The following DNMBP variants were observed in gnomAD, a reference collection of about 807,000 sequenced individuals.
DNMBP encodes the protein dynamin-binding protein.
In DNMBP, 87 loss-of-function variants were observed where a neutral mutation model predicts 150.0. The ratio of observed to expected loss-of-function variants is 0.58; its 90% CI spans 0.49 to 0.69. DNMBP has a LOEUF of 0.69. DNMBP is among the 30% of genes least tolerant of loss of function. The pLI is 0.00. For missense variants in DNMBP, 1,774 were observed against 1,949.0 expected (o/e 0.91, Z 1.69); for synonymous variants, 711 against 750.4 (o/e 0.95, Z 0.86).
At chr10:99,895,156 T>G in intron 10 of DNMBP, 106 bp from the exon 11 acceptor site, 1 of 645,776 alleles carries the variant, frequency 1.5e-6, no homozygotes, top group Non-Finnish European at 2.6e-6. Context: ...GACGGAGTTT[T>G]GCTCTTGTCG....
chr10:99,930,927 G>A lies in DNMBP; in HGVS notation c.2261-21781C>T, dbSNP rs1181669858. 5 of 514,290 alleles carry A rather than the reference G, an allele frequency of 9.7e-6. No homozygotes were observed. In the East Asian group the frequency reaches 1.6e-4, roughly 16 times the overall value. The allele number at this position is 514,290 out of a possible 1,614,324, so 31.9% of individuals were successfully genotyped here. A position where few individuals can be genotyped will look rare whatever the true frequency, so the allele number is the denominator to read the frequency against. ...TGCTCTAGTCGGAGCGCAGTGAGAT[G>A]TGGAGTTATTTCAACCTCAGGATCC... On this transcript the variant is annotated intron_variant, in intron 4 of 16. Coordinates refer to ENST00000324109, the MANE Select transcript of DNMBP (RefSeq NM_015221.4).
At chr10:100,008,781 C>T (rs770171308) in intron 1 of DNMBP, among the ~76,000 whole-genome samples, 2 of 152,118 alleles carry the variant, frequency 1.3e-5, no homozygotes, top group Non-Finnish European at 1.5e-5. Flanking sequence ...GGTATTCATG[C>T]TGTGAAAGTA....
chr10:99,989,329 C>G (rs2040861661), intron 1 of DNMBP, among the ~76,000 whole-genome samples: 1 of 152,202 alleles, frequency 6.6e-6, no homozygotes, highest in Non-Finnish European at 1.5e-5. Flanking sequence ...TTGGCCTGTC[C>G]TCTGGTGCTC....
At chr10:99,951,800 C>T (rs2040425840) in intron 4 of DNMBP, among the ~76,000 whole-genome samples, 1 of 152,196 alleles carries the variant, frequency 6.6e-6, no homozygotes, top group Admixed American at 6.5e-5. Context: ...TGCCTTGTCT[C>T]AGATGAGACG....
chr10:99,913,590 T>G (rs923870321), intron 4 of DNMBP, among the ~76,000 whole-genome samples: 1 of 152,174 alleles, frequency 6.6e-6, no homozygotes, highest in East Asian at 1.9e-4. Context: ...ATTTACTTCC[T>G]GTGATAAAAC....
chr10:99,968,637 G>C (rs2040644264), intron 3 of DNMBP, among the ~76,000 whole-genome samples: 1 of 149,748 alleles, frequency 6.7e-6, no homozygotes, highest in Admixed American at 6.7e-5. Context: ...GCAGTGAGCT[G>C]AGATCGCACC....
Position 99,879,826 on chromosome 10 carries a change from C to T in DNMBP, c.4533G>A (p.Glu1511=). The T allele has an allele frequency of 6.2e-7, 1 of 1,614,144 alleles. No individual in the cohort carries two copies. The change falls in exon 16 of 17, where the codon GAG becomes GAA. Residue 1511 remains glutamate, a synonymous_variant. Coordinates refer to ENST00000324109, the MANE Select transcript of DNMBP (RefSeq NM_015221.4). ...EDRSTEPDGS[E]AEGNQVYFAV... is the part of the protein sequence containing the mutation. Reference sequence around the variant, plus strand: ...ACGCACTCACCTGGTTGCCTTCTGCCTCACTGCCATCTGGCTCTGTACTTC... The same window carrying T: ...ACGCACTCACCTGGTTGCCTTCTGCTTCACTGCCATCTGGCTCTGTACTTC...
intron 4 of DNMBP, chr10:99,914,170 A>G: frequency 4.0e-6 from 5 of 1,261,902 alleles, no homozygotes; most frequent in Non-Finnish European, 5.1e-6. Context: ...TGGAACCCTA[A>G]GCGTACTGGA....
chr10:99,885,698 G>A lies in DNMBP; in HGVS notation c.3787C>T (p.Leu1263Phe), dbSNP rs2039446003. Residue 1263 changes from leucine (L) to phenylalanine (F), a missense_variant, in exon 14 of 17, where the codon CTC (leucine) becomes TTC (phenylalanine). Transcript: ENST00000324109. The part of the protein sequence containing the change: ...TIDRQSARKP[L>F]LGLPSYMLQS... ...AGTTCCCTACTCACCAGGCCCAGGA[G>A]TGGCTTTCGAGCAGACTGGCGGTCA... 2 of 1,568,048 alleles carry A rather than the reference G, an allele frequency of 1.3e-6. No individual in the cohort carries two copies. The highest frequency in any genetic ancestry group is 8.7e-7 in the Non-Finnish European group (1 of 1,154,534).
chr10:99,899,827 A>G (rs1268042221), intron 7 of DNMBP, 92 bp downstream of exon 7: 2 of 1,364,054 alleles, frequency 1.5e-6, no homozygotes, highest in East Asian at 2.3e-5. Flanking sequence ...TATGTTTAAA[A>G]TAAGATGTCA....
chr10:99,954,583 A>G (rs1289837117), intron 4 of DNMBP, among the ~76,000 whole-genome samples: 1 of 151,682 alleles, frequency 6.6e-6, no homozygotes, highest in East Asian at 2.0e-4. Context: ...CATCTCTACT[A>G]AAAATACAAA....
At chr10:99,930,767 C>A in intron 4 of DNMBP, 1 of 651,196 alleles carries the variant, frequency 1.5e-6, no homozygotes, top group South Asian at 1.8e-5. Context: ...CACACATATT[C>A]TATGTGCTTA....
intron 4 of DNMBP, among the ~76,000 whole-genome samples, chr10:99,933,132 A>C (rs1171581004): frequency 6.6e-6 from 1 of 151,450 alleles, no homozygotes; most frequent in African/African-American, 2.4e-5. Context: ...CATCTCCACA[A>C]TAACAAAAAA....
intron 4 of DNMBP, among the ~76,000 whole-genome samples, chr10:99,926,543 G>A (rs2040080464): frequency 6.6e-6 from 1 of 152,214 alleles, no homozygotes; most frequent in African/African-American, 2.4e-5. Flanking sequence ...CCTCCCCTCA[G>A]GGCACTCCCT....
chr10:99,891,318 C>T (rs890460147), intron 11 of DNMBP, among the ~76,000 whole-genome samples: 4 of 148,724 alleles, frequency 2.7e-5, no homozygotes, highest in Middle Eastern at 3.2e-3. Context: ...CCAGTGCCTG[C>T]GATTGCAGGC....
In DNMBP at chr10:99,949,004, A is replaced by ATAAATAAG. The variant is rs1355754186; in HGVS notation, c.2260+6209_2260+6210insCTTATTTA. Among the ~76,000 whole-genome samples the ATAAATAAG allele has an allele frequency of 2.0e-5, 3 of 151,808 alleles. No homozygotes were observed. The East Asian group carries it at 5.8e-4, about 29-fold the overall frequency. On this transcript the variant is annotated intron_variant, in intron 4 of 16. Transcript: ENST00000324109. The stretch of plus-strand genomic sequence containing the variant: ...AATAAATAAATAAATAAATAAATAA[A>ATAAATAAG]TAAATAAATGCAGAGTTTTAAGAAG...
At chr10:99,966,062 G>C (rs1003973567) in intron 3 of DNMBP, among the ~76,000 whole-genome samples, 1 of 152,104 alleles carries the variant, frequency 6.6e-6, no homozygotes, top group Non-Finnish European at 1.5e-5. Context: ...TATACAAAAA[G>C]AGAAATTAAA....
intron 1 of DNMBP, among the ~76,000 whole-genome samples, chr10:99,990,879 C>A (rs2040882935): frequency 6.7e-6 from 1 of 148,818 alleles, no homozygotes; most frequent in African/African-American, 2.5e-5. Context: ...ATAGCTTTTT[C>A]CAGGTGAAGG....
At chr10:99,968,324 G>A (rs192970158) in intron 3 of DNMBP, among the ~76,000 whole-genome samples, 43 of 152,084 alleles carry the variant, frequency 2.8e-4, no homozygotes, top group Admixed American at 6.6e-4. Context: ...TAGCAAAGCC[G>A]TACCCAGTTA....
Sources: allele counts gnomAD v4.1 joint callset (sites outside exome capture counted in the v4.1 genomes callset), GRCh38; gene constraint gnomAD v4.1.1; transcripts MANE v1.5; gene names NCBI Gene and HGNC (gene_info 2026-07-23, HGNC 2026-07-21).